TENM2: variants seen among roughly 807,000 people sequenced by gnomAD.
The protein encoded by TENM2 is teneurin-2.
TENM2 carries 52 observed loss-of-function variants against 245.2 expected under a neutral mutation model. The observed-to-expected ratio is 0.21, with a 90% CI of 0.17 to 0.27. TENM2 has a LOEUF of 0.27. Ranked by LOEUF, TENM2 falls within the 10% of genes least tolerant of loss-of-function variation. TENM2 has a pLI of 1.00. For synonymous variants in TENM2, 1,363 were observed against 1,438.9 expected (o/e 0.95, Z 1.19); for missense variants, 3,046 against 3,666.8 (o/e 0.83, Z 4.37).
At chr5:167,724,061 A>G (rs909099343) in intron 2 of TENM2, among the ~76,000 whole-genome samples, 2 of 152,150 alleles carry the variant, frequency 1.3e-5, no homozygotes, top group Admixed American at 1.3e-4. Context: ...CTGTAATTTA[A>G]CCAGGACAAT....
chr5:167,675,609 A>G (rs530515725), intron 2 of TENM2, among the ~76,000 whole-genome samples: 32 of 152,226 alleles, frequency 2.1e-4, no homozygotes, highest in African/African-American at 6.5e-4. Flanking sequence ...TAATGACTTT[A>G]TATGGGAGGT....
intron 12 of TENM2, among the ~76,000 whole-genome samples, chr5:168,147,896 C>G (rs1756249352): frequency 3.9e-5 from 6 of 152,194 alleles, no homozygotes; most frequent in Admixed American, 3.9e-4. Flanking sequence ...GAATAGAACT[C>G]AGGCTAAATG....
At chr5:167,416,966 CT>C (rs1172664023) in intron 2 of TENM2, among the ~76,000 whole-genome samples, 1 of 151,898 alleles carries the variant, frequency 6.6e-6, no homozygotes, top group Non-Finnish European at 1.5e-5. Flanking sequence ...TTTTTCTTTT[CT>C]TCTCTTGTCA....
intron 2 of TENM2, among the ~76,000 whole-genome samples, chr5:167,529,941 C>A (rs562055162): frequency 7.2e-5 from 11 of 152,186 alleles, no homozygotes; most frequent in African/African-American, 2.6e-4. Flanking sequence ...CATTGGGGTG[C>A]AGTATTGTAA....
At chr5:167,626,809 T>C (rs1778537635) in intron 2 of TENM2, among the ~76,000 whole-genome samples, 1 of 152,182 alleles carries the variant, frequency 6.6e-6, no homozygotes, top group Admixed American at 6.5e-5. Flanking sequence ...TCTAGGCACT[T>C]TCCCACACCA....
intron 10 of TENM2, among the ~76,000 whole-genome samples, chr5:168,124,437 G>A (rs1171361311): frequency 1.3e-5 from 2 of 152,178 alleles, no homozygotes; most frequent in Non-Finnish European, 2.9e-5. Context: ...CTTATAGTGA[G>A]GGGCAATCCA....
At position 167,980,513 on chromosome 5, in the gene TENM2, A is replaced by C. The variant is rs73375628; in HGVS notation, c.948-12431A>C. Among the ~76,000 whole-genome samples, 673 of 152,282 alleles carry C rather than the reference A, an allele frequency of 4.4e-3. 6 individuals are homozygous for C. The highest frequency in any genetic ancestry group is 0.015 in the African/African-American group (628 of 41,572). ...GAGGAGCTTGGCCTCTTTAAGGAAC[A>C]GCAAAGAGGATGGCAGGTGCCTTAG... On this transcript the variant is annotated intron_variant, in intron 4 of 28. Transcript: ENST00000518659.
intron 27 of TENM2, among the ~76,000 whole-genome samples, chr5:168,258,140 C>T (rs760303795): frequency 2.6e-5 from 4 of 152,098 alleles, no homozygotes; most frequent in Admixed American, 6.5e-5. Flanking sequence ...CACAAGAAAA[C>T]GGAAAACAGG....
chr5:167,138,208 C>T, the TENM2 span, among the ~76,000 whole-genome samples: 1 of 152,154 alleles, frequency 6.6e-6, no homozygotes, highest in Non-Finnish European at 1.5e-5. Context: ...CAAGTGTTTA[C>T]CGATGAAATA....
chr5:168,257,887 T>C (rs1767819455), intron 27 of TENM2, among the ~76,000 whole-genome samples: 1 of 152,136 alleles, frequency 6.6e-6, no homozygotes, highest in Non-Finnish European at 1.5e-5. Context: ...GTGTTGGAAT[T>C]ACAGGCGTGA....
At chr5:167,230,615 G>C in the TENM2 span, among the ~76,000 whole-genome samples, 1 of 152,094 alleles carries the variant, frequency 6.6e-6, no homozygotes, top group African/African-American at 2.4e-5. Flanking sequence ...AAAATGCTGA[G>C]TGTTGGATTT....
rs1395599208 is a variant in TENM2, at chr5:168,247,789, G to T, written c.6850G>T (p.Gly2284Cys). The T allele has an allele frequency of 6.2e-7, 1 of 1,613,928 alleles. No individual in the cohort carries two copies. Among genetic ancestry groups the T allele is most frequent in the South Asian group, 1.1e-5 (1 of 91,076 alleles). Residue 2284 changes from glycine (G) to cysteine (C), a missense_variant, in exon 27 of 29, where the codon GGC becomes TGC. This residue lies in a region of TENM2 where 2,704 missense variants were observed against 3,331.9 expected (regional missense o/e 0.81). Coordinates refer to ENST00000518659, the Ensembl canonical transcript of TENM2. This position sits in a 1 kb window ranked among gnomAD's most constrained non-coding sequence, Gnocchi z 7.8. The stretch of plus-strand genomic sequence containing the variant: ...TGACATCTTCGAATACAATTCCAAG[G>T]GCCTCCTAACAAGAGCCTACAACAA...
chr5:167,052,127 T>G, the TENM2 span, among the ~76,000 whole-genome samples: 1 of 152,174 alleles, frequency 6.6e-6, no homozygotes, highest in South Asian at 2.1e-4. Flanking sequence ...GCTTTTTAAC[T>G]CAATCTTGCT....
At chr5:168,186,538 C>T (rs1477186346) in intron 13 of TENM2, 1 of 152,170 alleles carries the variant, frequency 6.6e-6, no homozygotes, top group Non-Finnish European at 1.5e-5. Context: ...TGAGCCACCG[C>T]AGTGTGGGCT....
At chr5:168,226,206 G>A in exon 24 of TENM2, 1 of 1,613,552 alleles carries the variant, frequency 6.2e-7, no homozygotes, top group Non-Finnish European at 8.5e-7. Flanking sequence ...CCGTGATGAT[G>A]ACGTCACTGT....
At chr5:167,027,927 G>A in the TENM2 span, among the ~76,000 whole-genome samples, 20 of 151,872 alleles carry the variant, frequency 1.3e-4, no homozygotes, top group African/African-American at 4.1e-4. Context: ...AAAATTAGCC[G>A]GGCCTTGGTG....
intron 2 of TENM2, among the ~76,000 whole-genome samples, chr5:167,688,903 T>C (rs1303288175): frequency 6.6e-6 from 1 of 152,248 alleles, no homozygotes; most frequent in Admixed American, 6.5e-5. Context: ...CTCTGGGTGA[T>C]TAAATGTGGT....
At chr5:167,970,710 T>C (rs1781714874) in intron 4 of TENM2, among the ~76,000 whole-genome samples, 1 of 152,208 alleles carries the variant, frequency 6.6e-6, no homozygotes, top group Non-Finnish European at 1.5e-5. Context: ...AATATCAGAA[T>C]AGTTCTGTGT....
the TENM2 span, among the ~76,000 whole-genome samples, chr5:167,235,469 C>T: frequency 4.6e-5 from 7 of 152,110 alleles, no homozygotes; most frequent in Non-Finnish European, 1.0e-4. Flanking sequence ...ACGATTCAAT[C>T]TGGCTTTATT....
Sources: gnomAD v4.1 joint callset for allele counts (sites outside exome capture counted in the v4.1 genomes callset) on GRCh38, gnomAD v4.1.1 for gene constraint, gnomAD v4.1.1 regional missense constraint, Gnocchi (gnomAD v3.1) non-coding constraint, MANE v1.5 for transcripts, NCBI Gene and HGNC (gene_info 2026-07-23, HGNC 2026-07-21) for gene names.